The following CCDC88C variants were observed in gnomAD, a reference collection of about 807,000 sequenced individuals.
CCDC88C encodes protein Daple.
Under a neutral mutation model 198.8 loss-of-function variants are expected in CCDC88C, and 131 were observed. The ratio of observed to expected loss-of-function variants is 0.66; its 90% CI spans 0.57 to 0.76. The LOEUF (loss-of-function observed/expected upper bound fraction) is 0.76, where lower values mean the gene tolerates loss of function less well. CCDC88C is among the 30% of genes least tolerant of loss of function. The pLI is 0.00. For synonymous variants in CCDC88C, 1,166 were observed against 1,114.7 expected (o/e 1.05, Z -0.92); for missense variants, 2,553 against 2,631.6 (o/e 0.97, Z 0.65).
In CCDC88C at chr14:91,390,599, G is replaced by A. The variant is rs570071381; in HGVS notation, c.270+18060C>T. On this transcript the variant is annotated intron_variant, in intron 3 of 29. Transcript: ENST00000389857. ...CCAAGTCAGTGTTGTGGGTCACCAG[G>A]AGGCAAAGTCCATGGCCAGCCCACT... 1.2e-4 allele frequency among the ~76,000 whole-genome samples: 18 copies of A among 152,304 alleles called. No individual in the cohort carries two copies. In the South Asian group the frequency reaches 3.7e-3, roughly 32 times the overall value.
chr14:91,380,787 A>G (rs79170399), intron 3 of CCDC88C, among the ~76,000 whole-genome samples: 2,170 of 152,214 alleles, frequency 0.014, 40 homozygotes, highest in African/African-American at 0.041. Flanking sequence ...GGGGGAGACC[A>G]TGGAGAGAGA....
chr14:91,317,701 G>A (rs978216556), intron 13 of CCDC88C, among the ~76,000 whole-genome samples: 3 of 152,230 alleles, frequency 2.0e-5, no homozygotes, highest in Non-Finnish European at 4.4e-5. Context: ...TGCAAACAGC[G>A]GCCCCTCCCT....
intron 6 of CCDC88C, among the ~76,000 whole-genome samples, chr14:91,340,506 G>C (rs1435714650): frequency 1.3e-5 from 2 of 152,024 alleles, no homozygotes; most frequent in African/African-American, 2.4e-5. Flanking sequence ...TTCAGGGAAG[G>C]GTGCATCTCA....
chr14:91,338,783 T>G lies in CCDC88C; in HGVS notation c.810-213A>C. On this transcript the variant is annotated intron_variant, in intron 8 of 29. Coordinates refer to ENST00000389857, the MANE Select transcript of CCDC88C (RefSeq NM_001080414.4). This position sits in a 1 kb window ranked among gnomAD's most constrained non-coding sequence, Gnocchi z 4.8. ...TTGCAACACCGGCCCTTAAACTATGTCCATCCGCCACTCAGGTCTCCCTCC... is the reference window on the plus strand; with the variant it reads ...TTGCAACACCGGCCCTTAAACTATGGCCATCCGCCACTCAGGTCTCCCTCC... 1.8e-6 allele frequency: 1 copy of G among 561,782 alleles called. No homozygotes were observed. Among genetic ancestry groups the G allele is most frequent in the Non-Finnish European group, 3.2e-6 (1 of 312,794 alleles). 34.8% of individuals were successfully genotyped at this position (561,782 alleles called of 1,614,324 possible).
At chr14:91,401,319 T>C (rs1191433514) in intron 3 of CCDC88C, among the ~76,000 whole-genome samples, 3 of 102,136 alleles carry the variant, frequency 2.9e-5, no homozygotes, top group Non-Finnish European at 5.6e-5. Flanking sequence ...ATATTTATTA[T>C]ATATTACATA....
At chr14:91,399,105 C>T (rs1341883905) in intron 3 of CCDC88C, among the ~76,000 whole-genome samples, 1 of 152,172 alleles carries the variant, frequency 6.6e-6, no homozygotes. Flanking sequence ...TCTGCCCAGC[C>T]CTAACCCTGG....
chr14:91,403,380 G>A (rs1432027796), intron 3 of CCDC88C, among the ~76,000 whole-genome samples: 1 of 152,176 alleles, frequency 6.6e-6, no homozygotes, highest in Non-Finnish European at 1.5e-5. Flanking sequence ...AGAAACCTCA[G>A]AAACTTCACA....
At chr14:91,409,274 G>C (rs1304087520) in intron 2 of CCDC88C, among the ~76,000 whole-genome samples, 1 of 150,758 alleles carries the variant, frequency 6.6e-6, no homozygotes, top group Non-Finnish European at 1.5e-5. Context: ...CTACAGCCTC[G>C]AACTCCTGAG....
At chr14:91,382,259 CCTT>C (rs1884849982) in intron 3 of CCDC88C, among the ~76,000 whole-genome samples, 1 of 152,152 alleles carries the variant, frequency 6.6e-6, no homozygotes, top group Non-Finnish European at 1.5e-5. Context: ...GCCTCATAAT[CCTT>C]CTCAACACAG....
intron 10 of CCDC88C, among the ~76,000 whole-genome samples, chr14:91,337,578 C>T (rs1349404272): frequency 6.6e-6 from 1 of 152,236 alleles, no homozygotes; most frequent in Admixed American, 6.5e-5. Flanking sequence ...TGGCCTCAAG[C>T]GATCCTCCCA....
Position 91,287,172 on chromosome 14 carries a change from G to C in CCDC88C, c.4441+1933C>G, listed in dbSNP as rs114150008. 5.6e-3 allele frequency among the ~76,000 whole-genome samples: 846 copies of C among 152,168 alleles called. 6 individuals are homozygous for C. The highest frequency in any genetic ancestry group is 0.02 in the African/African-American group (813 of 41,516). ...TGACAAATGTCCAAAAATTAAACAG[G>C]AGCCAATATAAAAACCTGAGGCAAC... is the stretch of plus-strand genomic sequence containing the variant. On this transcript the variant is annotated intron_variant, in intron 25 of 29. Coordinates refer to ENST00000389857, the MANE Select transcript of CCDC88C (RefSeq NM_001080414.4).
intron 23 of CCDC88C, among the ~76,000 whole-genome samples, chr14:91,291,315 C>T (rs1260046262): frequency 3.9e-5 from 6 of 152,276 alleles, no homozygotes; most frequent in South Asian, 4.1e-4. Flanking sequence ...CCCCTGGGAC[C>T]CAGCTGTGAG....
chr14:91,328,734 C>T (rs534185811), intron 10 of CCDC88C, among the ~76,000 whole-genome samples: 9 of 152,170 alleles, frequency 5.9e-5, no homozygotes, highest in African/African-American at 2.2e-4. Context: ...ACGCGGAGCT[C>T]GGATGATGCG....
At chr14:91,308,526 TCTACTTCCTCTCCGCAA>T in intron 16 of CCDC88C, 34 bp from the exon 17 acceptor site, 1 of 1,605,832 alleles carries the variant, frequency 6.2e-7, no homozygotes, top group Non-Finnish European at 8.5e-7. Flanking sequence ...GTATCACTTA[TCTACTTCCTCTCCGCAA>T]GTTCCCAGTG....
chr14:91,314,402 CTCACT>C (rs1892006032), intron 14 of CCDC88C, among the ~76,000 whole-genome samples: 1 of 152,214 alleles, frequency 6.6e-6, no homozygotes, highest in Non-Finnish European at 1.5e-5. Flanking sequence ...ATCTCTCTCC[CTCACT>C]TAAGTTTCAG....
intron 12 of CCDC88C, 142 bp from the exon 13 acceptor site, chr14:91,321,446 C>T: frequency 1.2e-6 from 1 of 829,568 alleles, no homozygotes; most frequent in South Asian, 1.7e-5. Context: ...GCTGGGGACC[C>T]TTCCTCCTGC....
chr14:91,375,460 G>A (rs976636282), intron 3 of CCDC88C, among the ~76,000 whole-genome samples: 1 of 152,134 alleles, frequency 6.6e-6, no homozygotes, highest in Admixed American at 6.5e-5. Flanking sequence ...AAGTAGGGAA[G>A]CTTTTCTTCA....
chr14:91,344,076 C>G (rs1327364003), intron 4 of CCDC88C, among the ~76,000 whole-genome samples: 1 of 152,190 alleles, frequency 6.6e-6, no homozygotes, highest in Non-Finnish European at 1.5e-5. Context: ...CCACCTCAGC[C>G]TCCCAGGTTG....
rs1417024219 is a variant in CCDC88C, at chr14:91,324,822, G to A, written c.1299C>T (p.Gly433=). 1 of 1,613,300 alleles carries A rather than the reference G, an allele frequency of 6.2e-7. No homozygotes were observed. Among genetic ancestry groups the A allele is most frequent in the Non-Finnish European group, 8.5e-7 (1 of 1,179,900 alleles). ...KQSMNESAHL[G]WELEQLSKNA... is the part of the protein sequence containing the mutation. ...TCTTGGACAGCTGCTCCAGCTCCCA[G>A]CCAAGGTGGGCAGATTCGTTCATGC... is the stretch of plus-strand genomic sequence containing the variant. The change falls in exon 12 of 30, where the codon GGC becomes GGT. Residue 433 remains glycine (G), a synonymous_variant. Transcript: ENST00000389857.
Sources: allele counts gnomAD v4.1 joint callset (sites outside exome capture counted in the v4.1 genomes callset), GRCh38; gene constraint gnomAD v4.1.1; non-coding constraint Gnocchi (gnomAD v3.1); transcripts MANE v1.5; gene names NCBI Gene and HGNC (gene_info 2026-07-23, HGNC 2026-07-21).